ACY1: variants seen among roughly 807,000 people sequenced by gnomAD.
The protein encoded by ACY1 is aminoacylase 1.
In ACY1, 38 loss-of-function variants were observed where a neutral mutation model predicts 53.3. The observed-to-expected ratio is 0.71, with a 90% CI of 0.55 to 0.93. The LOEUF (loss-of-function observed/expected upper bound fraction) is 0.93. Among genes scored for constraint, ACY1 ranks in the 40% least tolerant of loss-of-function variants. The pLI is 0.00. For synonymous variants in ACY1, 177 were observed against 202.1 expected, an observed-to-expected ratio of 0.88 and a Z score of 1.05; for missense variants, 484 against 540.9, an observed-to-expected ratio of 0.89 and a Z score of 1.04.
chr3:51,986,676 G>T lies in ACY1; in HGVS notation c.583+15G>T. The T allele has an allele frequency of 6.2e-7, 1 of 1,613,448 alleles. No homozygotes were observed. The highest frequency in any genetic ancestry group is 8.5e-7 in the Non-Finnish European group (1 of 1,179,866). ...GAGTCCCTGGTGTAAGTATGAGCTT[G>T]GAGGGAGGGCTCACTCTACAGGCGG... On this transcript the variant is annotated intron_variant, in intron 8 of 14. Coordinates refer to ENST00000636358, the MANE Select transcript of ACY1 (RefSeq NM_000666.3).
rs766201519 is a variant in ACY1 at position 51,988,902 on chromosome 3, C to T, written c.1063-9C>T. The T allele has an allele frequency of 6.8e-6, 11 of 1,614,236 alleles. No individual in the cohort carries two copies. The Admixed American group carries it at 1.3e-4, about 20-fold the overall frequency. On this transcript the variant is annotated splice_polypyrimidine_tract_variant and intron_variant, in intron 14 of 14. Transcript: ENST00000636358. ...GCTTTTCCCTAACGGCTCTTCCTCA[C>T]CCCTGCAGGTGGGGGTCCCAGCTCT...
At position 51,984,037 on chromosome 3, in the gene ACY1, T is replaced by G; in HGVS notation, c.-18-10T>G. 1 of 1,604,174 alleles carries G rather than the reference T, an allele frequency of 6.2e-7. No homozygotes were observed. Among genetic ancestry groups the G allele is most frequent in the Non-Finnish European group, 8.5e-7 (1 of 1,172,546 alleles). ...TTGGAGGGGTAGTTAGCCATTCACT[T>G]TGCCCCCAGCTCACCACGCGCAGCG... is the stretch of plus-strand genomic sequence containing the variant. On this transcript the variant is annotated splice_polypyrimidine_tract_variant and intron_variant, in intron 1 of 14. Transcript: ENST00000636358.
In ACY1 at chr3:51,985,435, C is replaced by G; in HGVS notation, c.234C>G (p.Asn78Lys). Reference protein sequence around the residue: ...TNPTLSSILLNSHTDVVPVFK... With the variant: ...TNPTLSSILLKSHTDVVPVFK... ...CTACACTCTCCTCCATCTTGCTCAA[C>G]TCCCACACGGATGTGGTGCCTGTCT... Residue 78 changes from asparagine to lysine, a missense_variant, in exon 4 of 15, where the codon AAC (asparagine) becomes AAG (lysine). Transcript: ENST00000636358. The G allele has an allele frequency of 6.2e-7, 1 of 1,614,134 alleles. No individual in the cohort carries two copies.
In ACY1 at chr3:51,987,542, C is replaced by G; in HGVS notation, c.853-14C>G. 1 of 1,614,098 alleles carries G rather than the reference C, an allele frequency of 6.2e-7. No homozygotes were observed. The highest frequency in any genetic ancestry group is 8.5e-7 in the Non-Finnish European group (1 of 1,179,996). On this transcript the variant is annotated splice_polypyrimidine_tract_variant and intron_variant, in intron 11 of 14. Coordinates refer to ENST00000636358, the MANE Select transcript of ACY1 (RefSeq NM_000666.3). ...TGGAAAGCCTGAAGGATCAGCTCGTCTCCCTTCTCTTAGGCTTTTGAGGAG... is the reference window on the plus strand; with the variant it reads ...TGGAAAGCCTGAAGGATCAGCTCGTGTCCCTTCTCTTAGGCTTTTGAGGAG...
At chr3:51,983,899 C>G (rs977708623) in intron 1 of ACY1, 148 bp from the exon 2 acceptor site, 2 of 687,290 alleles carry the variant, frequency 2.9e-6, no homozygotes, top group African/African-American at 3.5e-5. Context: ...GCGCCTGAAA[C>G]AGAATGGGTG....
At chr3:51,983,901 GAATGGGTGCTCCTT>G in intron 1 of ACY1, 132 bp from the exon 2 acceptor site, 1 of 690,248 alleles carries the variant, frequency 1.4e-6, no homozygotes, top group Non-Finnish European at 2.6e-6. Context: ...GCCTGAAACA[GAATGGGTGCTCCTT>G]AATGGGGGCT....
rs201547992 is a variant in ACY1, at chr3:51,987,598, G to A, written c.895G>A (p.Glu299Lys). The A allele has an allele frequency of 1.9e-4, 309 of 1,614,082 alleles. 3 individuals carry two copies. In the East Asian group the frequency reaches 6.7e-3, roughly 35 times the overall value. The change falls in exon 12 of 15, where the codon GAG (glutamate) becomes AAG (lysine). Residue 299 changes from glutamate (E) to lysine (K), a missense_variant. Glu to Lys is a moderately conservative substitution (Grantham distance 56, BLOSUM62 1). Transcript: ENST00000636358. ...QLQSWCQAAG[E>K]GVTLEFAQKW... is the part of the protein sequence containing the mutation. ...GCAGAGCTGGTGCCAGGCAGCTGGC[G>A]AGGGGGTCACCCTAGAGTTTGCTCA...
chr3:51,988,169 C>T (rs1701142404), intron 12 of ACY1: 2 of 398,700 alleles, frequency 5.0e-6, no homozygotes, highest in South Asian at 4.6e-5. Context: ...CCCAGCCGTA[C>T]TTTCATATAA....
At chr3:51,983,679 T>G in intron 1 of ACY1, 90 bp downstream of exon 1, 1 of 280,220 alleles carries the variant, frequency 3.6e-6, no homozygotes, top group Non-Finnish European at 6.9e-6. Flanking sequence ...CTTGTTTGTT[T>G]TTTGTTTTTG....
At position 51,987,639 on chromosome 3, in the gene ACY1, CAT is replaced by C. The variant is rs758684643; in HGVS notation, c.921+16_921+17del. 3.1e-6 allele frequency: 5 copies of C among 1,613,152 alleles called. No homozygotes were observed. The Admixed American group carries it at 6.7e-5, about 22-fold the overall frequency. ...AGTTTGCTCAGGTATGGACTTGGGACATGTGATGGGAGAGTGTGGGAGCCGGG... is the reference window on the plus strand; with the variant it reads ...AGTTTGCTCAGGTATGGACTTGGGACGTGATGGGAGAGTGTGGGAGCCGGG... On this transcript the variant is annotated intron_variant, in intron 12 of 14. Transcript: ENST00000636358.
At chr3:51,986,867 AG>A in intron 8 of ACY1, 120 bp from the exon 9 acceptor site, 1 of 1,271,364 alleles carries the variant, frequency 7.9e-7, no homozygotes, top group Non-Finnish European at 1.1e-6. Flanking sequence ...ACGGGCCCTG[AG>A]TGGGGACAGG....
intron 2 of ACY1, 52 bp downstream of exon 2, chr3:51,984,210 T>A: frequency 6.4e-7 from 1 of 1,565,758 alleles, no homozygotes; most frequent in Non-Finnish European, 8.8e-7. Context: ...GGACGGGGAC[T>A]GTGCTCTAAA....
intron 5 of ACY1, 57 bp from the exon 6 acceptor site, chr3:51,986,198 G>C: frequency 6.3e-7 from 1 of 1,582,074 alleles, no homozygotes; most frequent in Non-Finnish European, 8.7e-7. Flanking sequence ...GGCCCTGCCT[G>C]TGGGGCCAGC....
Position 51,988,790 on chromosome 3 carries a change from C to A in ACY1, c.1026C>A (p.Ile342=). The A allele has an allele frequency of 6.2e-7, 1 of 1,614,200 alleles. No individual in the cohort carries two copies. Among genetic ancestry groups the A allele is most frequent in the Non-Finnish European group, 8.5e-7 (1 of 1,180,030 alleles). The change falls in exon 14 of 15, where the codon ATC becomes ATA. Residue 342 remains isoleucine, a synonymous_variant. Transcript: ENST00000636358. ...GGAACCTCACTCTGGAGCCTGAGAT[C>A]ATGCCTGCTGCCACTGACAACCGCT... The part of the protein sequence containing the change: ...KDMNLTLEPE[I]MPAATDNRYI...
chr3:51,984,408 C>T (rs1395532033), intron 2 of ACY1: 14 of 571,852 alleles, frequency 2.4e-5, no homozygotes, highest in Middle Eastern at 4.7e-4. Context: ...AAAACTTCAC[C>T]TCACTCTCCA....
In ACY1 at chr3:51,986,423, G is replaced by T; in HGVS notation, c.445G>T (p.Val149Phe). Residue 149 changes from valine to phenylalanine, a missense_variant, in exon 7 of 15, where the codon GTT becomes TTT. Coordinates refer to ENST00000636358, the MANE Select transcript of ACY1 (RefSeq NM_000666.3). ...IHMTFVPDEE[V>F]GGHQGMELFV... ...CCCTGCTGCTTTTACAGATGAGGAG[G>T]TTGGGGGTCACCAAGGCATGGAGCT... 1.2e-6 allele frequency: 2 copies of T among 1,611,090 alleles called. No individual in the cohort carries two copies. The highest frequency in any genetic ancestry group is 2.2e-5 in the South Asian group (2 of 90,686).
intron 8 of ACY1, 136 bp downstream of exon 8, chr3:51,986,797 C>G (rs773516710): frequency 2.1e-4 from 277 of 1,317,340 alleles, no homozygotes; most frequent in Non-Finnish European, 2.8e-4. Flanking sequence ...CCTCCCAGCT[C>G]TTTCCTATCT....
intron 2 of ACY1, chr3:51,984,555 C>A: frequency 2.9e-6 from 1 of 346,622 alleles, no homozygotes. Flanking sequence ...TGGCTCCTGC[C>A]TGTTATCCCA....
In ACY1 at chr3:51,987,180, G is replaced by A. The variant is rs1287822854; in HGVS notation, c.691G>A (p.Glu231Lys). The stretch of plus-strand genomic sequence containing the variant: ...TGTAAACTCCATCCTGGCATTCCGG[G>A]AGAAGGAATGGCAGAGGTGAGGCAG... ...KVVNSILAFR[E>K]KEWQRLQSNP... Residue 231 changes from glutamate to lysine, a missense_variant, in exon 10 of 15, where the codon GAG becomes AAG. Coordinates refer to ENST00000636358, the MANE Select transcript of ACY1 (RefSeq NM_000666.3). 3.7e-6 allele frequency: 6 copies of A among 1,614,046 alleles called. No homozygotes were observed. The highest frequency in any genetic ancestry group is 1.3e-5 in the African/African-American group (1 of 74,904).
Sources: allele counts gnomAD v4.1 joint callset, GRCh38; gene constraint gnomAD v4.1.1; transcripts MANE v1.5; gene names NCBI Gene and HGNC (gene_info 2026-07-23, HGNC 2026-07-21).